The following COL14A1 variants were observed in gnomAD, a reference collection of about 807,000 sequenced individuals.
COL14A1 encodes collagen alpha-1(XIV) chain.
A neutral mutation model predicts 230.3 loss-of-function variants in COL14A1; 136 were observed. That is an observed-to-expected ratio of 0.59 (90% CI 0.51 to 0.68). COL14A1 has a LOEUF of 0.68. COL14A1 is among the 30% of genes least tolerant of loss of function. The pLI is 0.00. For synonymous variants in COL14A1, 792 were observed against 784.1 expected, an observed-to-expected ratio of 1.01 and a Z score of -0.17; for missense variants, 1,976 against 2,215.8, an observed-to-expected ratio of 0.89 and a Z score of 2.17.
chr8:120,128,377 A>G (rs983072864), intron 1 of COL14A1, among the ~76,000 whole-genome samples: 2 of 152,180 alleles, frequency 1.3e-5, no homozygotes, highest in Non-Finnish European at 2.9e-5. Context: ...CTCCTTTAGC[A>G]ATCACTGAGC....
intron 15 of COL14A1, 35 bp from the exon 16 acceptor site, chr8:120,226,592 A>G (rs1483890332): frequency 1.2e-6 from 2 of 1,609,512 alleles, no homozygotes; most frequent in South Asian, 2.2e-5. Context: ...TTGCCTTCTC[A>G]TTTCCCTAAC....
intron 10 of COL14A1, 127 bp from the exon 11 acceptor site, chr8:120,208,105 G>T (rs959966624): frequency 5.6e-6 from 5 of 887,936 alleles, no homozygotes; most frequent in Admixed American, 5.4e-5. Flanking sequence ...ACAGTGGAAA[G>T]GGGGATGTGG....
chr8:120,295,110 T>C (rs891225584), intron 34 of COL14A1, among the ~76,000 whole-genome samples: 1 of 151,888 alleles, frequency 6.6e-6, no homozygotes, highest in African/African-American at 2.4e-5. Context: ...GAAAATGTTT[T>C]TGCTCTGAGG....
At chr8:120,307,741 A>G (rs1045154812) in intron 36 of COL14A1, among the ~76,000 whole-genome samples, 7 of 152,232 alleles carry the variant, frequency 4.6e-5, no homozygotes, top group African/African-American at 1.7e-4. Context: ...TCAGGTTGAT[A>G]AAAATGTAAA....
chr8:120,289,871 G>A, intron 34 of COL14A1, 105 bp downstream of exon 34: 1 of 1,136,432 alleles, frequency 8.8e-7, no homozygotes. Context: ...AAGATGAATG[G>A]ATAAATGGAT....
chr8:120,203,573 A>AAT (rs1437477550), intron 8 of COL14A1, 136 bp from the exon 9 acceptor site: 27 of 541,196 alleles, frequency 5.0e-5, no homozygotes, highest in Non-Finnish European at 6.0e-5. Context: ...TAAAATTTTA[A>AAT]ATATATATAT....
intron 18 of COL14A1, among the ~76,000 whole-genome samples, chr8:120,231,141 ACT>A (rs1368937076): frequency 1.3e-5 from 2 of 151,880 alleles, no homozygotes; most frequent in Non-Finnish European, 1.5e-5. Context: ...TCTCATGACC[ACT>A]CTTTCCTTTG....
chr8:120,168,857 C>G (rs1430978498), intron 5 of COL14A1, among the ~76,000 whole-genome samples: 1 of 152,006 alleles, frequency 6.6e-6, no homozygotes. Flanking sequence ...ATTAGTCCCC[C>G]CAACCCCGTT....
chr8:120,199,464 G>T lies in COL14A1; in HGVS notation c.775G>T (p.Val259Leu). 1 of 1,612,404 alleles carries T rather than the reference G, an allele frequency of 6.2e-7. No individual in the cohort carries two copies. The highest frequency in any genetic ancestry group is 8.5e-7 in the Non-Finnish European group (1 of 1,179,352). The change falls in exon 8 of 48, where the codon GTA becomes TTA. Residue 259 changes from valine to leucine, a missense_variant. This residue lies in a region of COL14A1 where 1,791 missense variants were observed against 2,019.5 expected (regional missense o/e 0.89). Transcript: ENST00000297848. ...FKPEAGSRTG[V>L]SKIGILITDG... ...ACCAGAAGCAGGATCAAGGACTGGA[G>T]TATCCAAAATTGGCATTTTAATCAC... is the stretch of plus-strand genomic sequence containing the variant.
chr8:120,325,100 A>C (rs1821612943), intron 40 of COL14A1, among the ~76,000 whole-genome samples: 1 of 152,252 alleles, frequency 6.6e-6, no homozygotes, highest in Non-Finnish European at 1.5e-5. Flanking sequence ...TTTAGTATTT[A>C]TTCAAATATT....
intron 37 of COL14A1, 66 bp downstream of exon 37, chr8:120,310,128 T>C (rs1820988882): frequency 1.9e-6 from 3 of 1,538,926 alleles, no homozygotes; most frequent in Non-Finnish European, 2.7e-6. Context: ...TAGCCATCAT[T>C]TTGGAGCTAA....
At chr8:120,191,935 A>G (rs201331863) in intron 5 of COL14A1, among the ~76,000 whole-genome samples, 3 of 151,764 alleles carry the variant, frequency 2.0e-5, no homozygotes, top group East Asian at 1.9e-4. Context: ...GAGCCTATGT[A>G]TGTCTCTGCA....
At position 120,209,756 on chromosome 8, in the gene COL14A1, T is replaced by C. The variant is rs781758057; in HGVS notation, c.1322T>C (p.Leu441Pro). 40 of 1,598,656 alleles carry C rather than the reference T, an allele frequency of 2.5e-5. No individual in the cohort carries two copies. Among genetic ancestry groups the C allele is most frequent in the Non-Finnish European group, 3.3e-5 (39 of 1,175,558 alleles). Residue 441 changes from leucine to proline, a missense_variant and splice_region_variant, in exon 12 of 48, where the codon CTT becomes CCT. By Grantham distance (98) the Leu-to-Pro change is moderately conservative (BLOSUM62 -3). Around this residue, in one of 3 missense-constraint regions of COL14A1, gnomAD observed 1,791 missense variants for 2,019.5 expected, o/e 0.89. Transcript: ENST00000297848. ...SEGLRGTETT[L>P]ALPMASDLLL... ...ACATTTAAAAAAAAATCTCTTGCAG[T>C]TGCTTTACCGATGGCTTCTGACCTT...
chr8:120,147,082 T>C (rs1486154021), intron 1 of COL14A1, among the ~76,000 whole-genome samples: 1 of 151,978 alleles, frequency 6.6e-6, no homozygotes, highest in Non-Finnish European at 1.5e-5. Context: ...AGTTTTTTAA[T>C]GTTAAAATTT....
At chr8:120,262,380 G>A (rs1159490618) in intron 23 of COL14A1, among the ~76,000 whole-genome samples, 2 of 152,044 alleles carry the variant, frequency 1.3e-5, no homozygotes, top group Non-Finnish European at 2.9e-5. Flanking sequence ...GGCTGAGGCA[G>A]GCGCATTGCT....
At chr8:120,359,447 C>G (rs932990515) in intron 45 of COL14A1, among the ~76,000 whole-genome samples, 1 of 152,162 alleles carries the variant, frequency 6.6e-6, no homozygotes, top group Non-Finnish European at 1.5e-5. Flanking sequence ...TGGAGAGCAT[C>G]ATATCATTTT....
intron 40 of COL14A1, among the ~76,000 whole-genome samples, chr8:120,321,845 A>G (rs975292652): frequency 1.6e-4 from 24 of 152,118 alleles, no homozygotes; most frequent in Non-Finnish European, 1.5e-4. Flanking sequence ...CTGGACTTCA[A>G]TCTCAGAGAT....
intron 1 of COL14A1, among the ~76,000 whole-genome samples, chr8:120,132,857 G>C (rs1236015487): frequency 6.6e-6 from 1 of 152,018 alleles, no homozygotes; most frequent in Non-Finnish European, 1.5e-5. Flanking sequence ...CAAGAGTACT[G>C]AACTCTCCCC....
Position 120,194,683 on chromosome 8 carries a change from A to C in COL14A1, c.437-2108A>C, listed in dbSNP as rs145400134. Among the ~76,000 whole-genome samples the C allele has an allele frequency of 1.4e-4, 22 of 152,316 alleles. No homozygotes were observed. In the East Asian group the frequency reaches 2.1e-3, roughly 15 times the overall value. On this transcript the variant is annotated intron_variant, in intron 5 of 47. Transcript: ENST00000297848. ...TTCATTACCTCTCTTTTAAATAAGC[A>C]GAAAGCGTTCCCTTTCTAAGATCCT...
Sources: gnomAD v4.1 joint callset for allele counts (sites outside exome capture counted in the v4.1 genomes callset) on GRCh38, gnomAD v4.1.1 for gene constraint, gnomAD v4.1.1 regional missense constraint, MANE v1.5 for transcripts, NCBI Gene and HGNC (gene_info 2026-07-23, HGNC 2026-07-21) for gene names.